RORA: variants seen among roughly 807,000 people sequenced by gnomAD.
RORA encodes RAR related orphan receptor A, also known as nuclear receptor ROR-alpha.
A neutral mutation model predicts 69.5 loss-of-function variants in RORA; 7 were observed. The observed-to-expected ratio is 0.10, with a 90% CI of 0.06 to 0.19. The LOEUF (loss-of-function observed/expected upper bound fraction) is 0.19, where lower values mean the gene tolerates loss of function less well. Ranked by LOEUF, RORA falls within the 10% of genes least tolerant of loss-of-function variation. The pLI, the probability that RORA is intolerant of heterozygous loss-of-function variation, is 1.00. For missense variants in RORA, 457 were observed against 663.0 expected, an observed-to-expected ratio of 0.69 and a Z score of 3.41; for synonymous variants, 261 against 240.8, an observed-to-expected ratio of 1.08 and a Z score of -0.78.
chr15:61,079,928 T>C (rs2078514111), intron 1 of RORA, among the ~76,000 whole-genome samples: 1 of 152,214 alleles, frequency 6.6e-6, no homozygotes, highest in South Asian at 2.1e-4. Flanking sequence ...GGGCTCAGTT[T>C]CTGTCTTTGT....
intron 1 of RORA, among the ~76,000 whole-genome samples, chr15:60,711,008 G>A (rs1199161916): frequency 2.0e-5 from 3 of 152,190 alleles, no homozygotes; most frequent in Admixed American, 1.3e-4. Flanking sequence ...AACACTGCTG[G>A]GAAGTGGTGT....
At chr15:60,802,312 A>G (rs1302055784) in intron 1 of RORA, among the ~76,000 whole-genome samples, 1 of 152,250 alleles carries the variant, frequency 6.6e-6, no homozygotes. Flanking sequence ...TTTGGGCTCC[A>G]TTACAGCACA....
rs1891979699 is a variant in RORA at position 60,919,527 on chromosome 15, A to T, written c.167-240841T>A. Among the ~76,000 whole-genome samples the T allele has an allele frequency of 2.6e-5, 4 of 152,238 alleles. No homozygotes were observed. The South Asian group carries it at 8.3e-4, about 32-fold the overall frequency. On this transcript the variant is annotated intron_variant, in intron 1 of 10. Transcript: ENST00000335670. ...ATACCTATATAGGGAGTGCCTCTGC[A>T]TCCATTATAGAGGCTACTCTGGGAT...
chr15:60,970,244 T>C (rs958355566), intron 1 of RORA, among the ~76,000 whole-genome samples: 1 of 152,216 alleles, frequency 6.6e-6, no homozygotes, highest in Non-Finnish European at 1.5e-5. Flanking sequence ...TCCTATCTCA[T>C]GGAGGTCTTG....
rs557317365 is a variant in RORA at position 60,722,661 on chromosome 15, C to T, written c.167-43975G>A. On this transcript the variant is annotated intron_variant, in intron 1 of 10. Transcript: ENST00000335670. Reference sequence around the variant, plus strand: ...TTCCCTGGACTTGCTTTCTTGTTGCCCTGATCTGTGCTCCGTGCCAGATCT... The same window carrying T: ...TTCCCTGGACTTGCTTTCTTGTTGCTCTGATCTGTGCTCCGTGCCAGATCT... Among the ~76,000 whole-genome samples the T allele has an allele frequency of 1.1e-4, 17 of 152,228 alleles. No homozygotes were observed. The South Asian group carries it at 1.9e-3, about 17-fold the overall frequency.
chr15:61,040,113 G>GAGATATAT lies in RORA; in HGVS notation c.166+188939_166+188940insATATATCT, dbSNP rs1491216025. Among the ~76,000 whole-genome samples the GAGATATAT allele has an allele frequency of 1.8e-3, 85 of 46,308 alleles. 4 individuals carry two copies. The highest frequency in any genetic ancestry group is 3.1e-3 in the African/African-American group (32 of 10,320). The allele number at this position is 46,308 out of a possible 152,430, so 30.4% of individuals were successfully genotyped here. On this transcript the variant is annotated intron_variant, in intron 1 of 10. Coordinates refer to ENST00000335670, the MANE Select transcript of RORA (RefSeq NM_134261.3). ...TCTAATGGCTATGATCACAAGCTTT[G>GAGATATAT]ATATATATATATATATATATATATA... is the stretch of plus-strand genomic sequence containing the variant.
intron 1 of RORA, among the ~76,000 whole-genome samples, chr15:60,997,600 C>T (rs1364856261): frequency 1.3e-5 from 2 of 152,116 alleles, no homozygotes; most frequent in African/African-American, 2.4e-5. Context: ...TTAAGATAGT[C>T]TACTGATATA....
At position 61,122,978 on chromosome 15, in the gene RORA, A is replaced by G. The variant is rs182267221; in HGVS notation, c.166+106075T>C. Reference sequence around the variant, plus strand: ...GCAAGAAGCTAGATTACAAAGGTACATCACTTTCATATTCATTTGTACATT... The same window carrying G: ...GCAAGAAGCTAGATTACAAAGGTACGTCACTTTCATATTCATTTGTACATT... On this transcript the variant is annotated intron_variant, in intron 1 of 10. Coordinates refer to ENST00000335670, the MANE Select transcript of RORA (RefSeq NM_134261.3). Among the ~76,000 whole-genome samples, 6 of 152,312 alleles carry G rather than the reference A, an allele frequency of 3.9e-5. No homozygotes were observed. The South Asian group carries it at 6.2e-4, about 16-fold the overall frequency.
At chr15:60,661,707 A>T (rs2070307451) in intron 2 of RORA, among the ~76,000 whole-genome samples, 1 of 152,216 alleles carries the variant, frequency 6.6e-6, no homozygotes, top group African/African-American at 2.4e-5. Flanking sequence ...AAGCTACGGA[A>T]GATTTAATTC....
chr15:60,503,938 G>T (rs986155491), intron 6 of RORA, among the ~76,000 whole-genome samples: 1 of 152,044 alleles, frequency 6.6e-6, no homozygotes, highest in African/African-American at 2.4e-5. Context: ...GAGTAGCTGG[G>T]ATTAGAGGCA....
intron 2 of RORA, among the ~76,000 whole-genome samples, chr15:60,578,291 T>C (rs1177358459): frequency 6.6e-6 from 1 of 152,214 alleles, no homozygotes; most frequent in East Asian, 1.9e-4. Context: ...CATTATTAGA[T>C]GTGGTTATAT....
chr15:61,136,775 T>C (rs1047753326), intron 1 of RORA, among the ~76,000 whole-genome samples: 6 of 152,120 alleles, frequency 3.9e-5, no homozygotes, highest in Non-Finnish European at 8.8e-5. Flanking sequence ...CGGCAAAGCA[T>C]TTGAAACTTT....
At chr15:60,684,165 C>T (rs2070702143) in intron 1 of RORA, among the ~76,000 whole-genome samples, 1 of 151,930 alleles carries the variant, frequency 6.6e-6, no homozygotes, top group African/African-American at 2.4e-5. Flanking sequence ...CCAGCATTTC[C>T]AGAGGCCTTG....
At chr15:61,209,408 G>GAAAATACA (rs1165769128) in intron 1 of RORA, among the ~76,000 whole-genome samples, 1 of 152,106 alleles carries the variant, frequency 6.6e-6, no homozygotes, top group Non-Finnish European at 1.5e-5. Flanking sequence ...ATACACATAG[G>GAAAATACA]AAAATACAAC....
intron 2 of RORA, chr15:60,592,260 C>A: frequency 1.7e-6 from 1 of 577,540 alleles, no homozygotes; most frequent in Non-Finnish European, 2.5e-6. Context: ...CCTGGCAGGG[C>A]CCCCGCGCCG....
intron 1 of RORA, among the ~76,000 whole-genome samples, chr15:60,946,424 C>T (rs186984190): frequency 1.3e-5 from 2 of 152,208 alleles, no homozygotes; most frequent in African/African-American, 2.4e-5. Flanking sequence ...CGCGCCGCCA[C>T]GCCTGACTGG....
chr15:61,072,222 T>C lies in RORA; in HGVS notation c.166+156831A>G, dbSNP rs372707069. Among the ~76,000 whole-genome samples, 165 of 152,272 alleles carry C rather than the reference T, an allele frequency of 1.1e-3. 3 individuals are homozygous for C. Among genetic ancestry groups the C allele is most frequent in the African/African-American group, 3.7e-3 (155 of 41,538 alleles). Reference sequence around the variant, plus strand: ...TAAAGAAAAGCCAAAACATTTCCTTTTTTTTTTCTTTTTATGAGAAGACAT... The same window carrying C: ...TAAAGAAAAGCCAAAACATTTCCTTCTTTTTTTCTTTTTATGAGAAGACAT... On this transcript the variant is annotated intron_variant, in intron 1 of 10. Transcript: ENST00000335670.
At position 60,522,770 on chromosome 15, in the gene RORA, T is replaced by TAA. The variant is rs34289911; in HGVS notation, c.283-8015_283-8014dup. Among the ~76,000 whole-genome samples, 593 of 124,140 alleles carry TAA rather than the reference T, an allele frequency of 4.8e-3. 4 individuals carry two copies. Among genetic ancestry groups the TAA allele is most frequent in the African/African-American group, 0.018 (559 of 31,848 alleles). The allele number at this position is 124,140 out of a possible 152,430, so 81.4% of individuals were successfully genotyped here. On this transcript the variant is annotated intron_variant, in intron 3 of 10. Transcript: ENST00000335670. ...GACAACAGAGTGAGACCCTGTGTCT[T>TAA]AAAAAAAAAAAAAAAAAAAGACCAG... is the stretch of plus-strand genomic sequence containing the variant.
chr15:60,814,661 G>C (rs1001443423), intron 1 of RORA, among the ~76,000 whole-genome samples: 3 of 152,124 alleles, frequency 2.0e-5, no homozygotes, highest in East Asian at 3.9e-4. Context: ...CATCAGAAGA[G>C]GAAGCTCCTG....
Sources: gnomAD v4.1 joint callset for allele counts (sites outside exome capture counted in the v4.1 genomes callset) on GRCh38, gnomAD v4.1.1 for gene constraint, MANE v1.5 for transcripts, NCBI Gene and HGNC (gene_info 2026-07-23, HGNC 2026-07-21) for gene names.